Variants in C6orf120 observed in about 807,000 individuals in gnomAD.
C6orf120 encodes chromosome 6 open reading frame 120.
For missense variants in C6orf120, 311 were observed against 264.2 expected (o/e 1.18, Z -1.23); for synonymous variants, 165 against 123.1 (o/e 1.34, Z -2.25).
downstream of C6orf120, chr6:169,705,578 C>T (rs757463898): frequency 3.4e-5 from 35 of 1,038,842 alleles, no homozygotes; most frequent in Admixed American, 2.9e-4. Context: ...CCAATAAATA[C>T]GGTGGTTAAA....
At chr6:169,706,122 A>G (rs1403244176), downstream of C6orf120, among the ~76,000 whole-genome samples, 1 of 152,206 alleles carries the variant, frequency 6.6e-6, no homozygotes, top group African/African-American at 2.4e-5. Context: ...TAGCTCATAT[A>G]TTAATTTTGT....
downstream of C6orf120, chr6:169,705,108 T>C: frequency 6.4e-7 from 1 of 1,555,600 alleles, no homozygotes; most frequent in Non-Finnish European, 8.7e-7. Flanking sequence ...CCAAAGATAA[T>C]GTTTGCTCTT....
upstream of C6orf120, chr6:169,702,179 C>A (rs753722206): frequency 1.2e-5 from 8 of 657,430 alleles, 1 homozygote; most frequent in South Asian, 9.0e-5. Flanking sequence ...AAAGCGCGGC[C>A]CCCTGCGGGG....
At chr6:169,703,576 G>C (rs192009047) in exon 1 of C6orf120, 199 of 215,952 alleles carry the variant, frequency 9.2e-4, no homozygotes, top group African/African-American at 4.5e-3. Context: ...TCCTGTACCA[G>C]TCCAATAATG....
exon 1 of C6orf120, chr6:169,703,112 G>T: frequency 1.4e-6 from 2 of 1,420,790 alleles, no homozygotes; most frequent in Admixed American, 2.3e-5. Context: ...CTTGCTACTT[G>T]TACTTGGTTG....
At chr6:169,702,267 G>C (rs1247773682) in exon 1 of C6orf120, 1 of 691,758 alleles carries the variant, frequency 1.4e-6, no homozygotes, top group Admixed American at 2.0e-5. Context: ...CCGCGCTACG[G>C]GGGAGGGGTT....
At position 169,702,252 on chromosome 6, in the gene C6orf120, G is replaced by A. The variant is rs1788318660; in HGVS notation, c.-208G>A. 4.4e-6 allele frequency: 3 copies of A among 683,566 alleles called. 1 individual carries two copies. In the South Asian group the frequency reaches 4.7e-5, roughly 11 times the overall value. 42.3% of individuals were successfully genotyped at this position (683,566 alleles called of 1,614,324 possible). On this transcript the variant is annotated 5_prime_UTR_variant, in exon 1 of 1. Transcript: ENST00000332290. The stretch of plus-strand genomic sequence containing the variant: ...CCCTGCCCCTGCCCCTGCCCTGAGT[G>A]GGCGCCGCGCTACGGGGGAGGGGTT...
In C6orf120 at chr6:169,703,337, C is replaced by T. The variant is rs975074468; in HGVS notation, c.*302C>T. 16 of 383,646 alleles carry T rather than the reference C, an allele frequency of 4.2e-5. No homozygotes were observed. The Admixed American group carries it at 5.2e-4, about 12-fold the overall frequency. The allele number at this position is 383,646 out of a possible 1,614,324, so 23.8% of individuals were successfully genotyped here. A position where few individuals can be genotyped will look rare whatever the true frequency, so the allele number is the denominator to read the frequency against. On this transcript the variant is annotated 3_prime_UTR_variant, in exon 1 of 1. Coordinates refer to ENST00000332290, the Ensembl canonical transcript of C6orf120. ...AACAGGTTTATATAAAATAGAGCAA[C>T]CTTTCATGCTGTGACACAAATCAAA...
exon 1 of C6orf120, chr6:169,702,582 C>G: frequency 6.2e-7 from 1 of 1,613,176 alleles, no homozygotes; most frequent in Non-Finnish European, 8.5e-7. Flanking sequence ...AGTGGGTGCT[C>G]CTGCACGTCG....
exon 1 of C6orf120, chr6:169,703,269 G>A: frequency 1.8e-6 from 1 of 570,626 alleles, no homozygotes; most frequent in East Asian, 3.0e-5. Context: ...AAAGTGTTTA[G>A]ACTCCATTTT....
At chr6:169,705,703 T>C (rs373121095), downstream of C6orf120, 162 of 1,576,966 alleles carry the variant, frequency 1.0e-4, no homozygotes, top group Non-Finnish European at 1.4e-4. Context: ...ATTCCACATA[T>C]AGCATTTGGA....
chr6:169,703,952 C>A (rs1788649970), exon 1 of C6orf120: 1 of 1,348,738 alleles, frequency 7.4e-7, no homozygotes, highest in East Asian at 2.6e-5. Flanking sequence ...TTGTAAATGG[C>A]ACCAAATATT....
chr6:169,704,885 C>T (rs1788721838), downstream of C6orf120: 1 of 367,486 alleles, frequency 2.7e-6, no homozygotes, highest in Non-Finnish European at 5.0e-6. Flanking sequence ...AGAAAAACAC[C>T]AGCTCATTCT....
At chr6:169,704,906 A>G (rs1788722728), downstream of C6orf120, 4 of 402,390 alleles carry the variant, frequency 9.9e-6, no homozygotes, top group African/African-American at 2.1e-5. Context: ...ATAGAACTAT[A>G]CTTCCAAAAC....
At chr6:169,704,269 A>G (rs1788691924) in exon 1 of C6orf120, 2 of 525,274 alleles carry the variant, frequency 3.8e-6, no homozygotes, top group Non-Finnish European at 6.7e-6. Context: ...AATGTAATCA[A>G]TGCCATGCAA....
downstream of C6orf120, among the ~76,000 whole-genome samples, chr6:169,706,105 T>C (rs1298422684): frequency 1.3e-5 from 2 of 152,192 alleles, no homozygotes; most frequent in Non-Finnish European, 2.9e-5. Flanking sequence ...AAAAAGACCA[T>C]TTTAAATAGC....
rs568274723 is a variant in C6orf120 at position 169,703,712 on chromosome 6, G to A, written c.*677G>A. 7.5e-6 allele frequency: 3 copies of A among 397,418 alleles called. No homozygotes were observed. In the South Asian group the frequency reaches 1.4e-4, roughly 19 times the overall value. The allele number at this position is 397,418 out of a possible 1,614,324, so 24.6% of individuals were successfully genotyped here. ...GGCCGGAAACAATGTAGATTAGGAAGTTTCATGAAAATTAACTTTTGGGGC... is the reference window on the plus strand; with the variant it reads ...GGCCGGAAACAATGTAGATTAGGAAATTTCATGAAAATTAACTTTTGGGGC... On this transcript the variant is annotated 3_prime_UTR_variant, in exon 1 of 1. Transcript: ENST00000332290.
exon 1 of C6orf120, chr6:169,702,711 C>G (rs773208616): frequency 1.2e-6 from 2 of 1,613,554 alleles, no homozygotes; most frequent in South Asian, 2.2e-5. Context: ...CCGCCAGCAG[C>G]CTGCACCCCA....
chr6:169,705,323 T>A (rs1788743844), downstream of C6orf120: 1 of 1,599,286 alleles, frequency 6.3e-7, no homozygotes, highest in Non-Finnish European at 8.5e-7. Flanking sequence ...AAGGATGGCC[T>A]AAATCAAAAC....
Sources: gnomAD v4.1 joint callset for allele counts (sites outside exome capture counted in the v4.1 genomes callset) on GRCh38, gnomAD v4.1.1 for gene constraint, MANE v1.5 for transcripts, NCBI Gene and HGNC (gene_info 2026-07-23, HGNC 2026-07-21) for gene names.